The following BTAF1 variants were observed in gnomAD, a reference collection of about 807,000 sequenced individuals.
BTAF1 encodes B-TFIID TATA-box binding protein associated factor 1.
In BTAF1, 38 loss-of-function variants were observed where a neutral mutation model predicts 227.1. The observed-to-expected ratio is 0.17, with a 90% CI of 0.13 to 0.22. The LOEUF is 0.22. Among genes scored for constraint, BTAF1 ranks in the 10% least tolerant of loss-of-function variants. The probability of loss-of-function intolerance (pLI) is 1.00; values close to 1 mark genes in which losing one functional copy is unlikely to be tolerated. For synonymous variants in BTAF1, 742 were observed against 751.9 expected (o/e 0.99, Z 0.21); for missense variants, 1,598 against 2,204.0 (o/e 0.73, Z 5.51).
chr10:91,984,935 A>G (rs1848303730), intron 19 of BTAF1, among the ~76,000 whole-genome samples: 1 of 152,174 alleles, frequency 6.6e-6, no homozygotes, highest in African/African-American at 2.4e-5. Flanking sequence ...TAAGTTTCAG[A>G]TATCAGTATA....
intron 25 of BTAF1, among the ~76,000 whole-genome samples, chr10:92,003,728 T>C (rs1849702689): frequency 6.6e-6 from 1 of 152,240 alleles, no homozygotes; most frequent in African/African-American, 2.4e-5. Context: ...CAGATATCTC[T>C]TCAATGTACT....
intron 30 of BTAF1, among the ~76,000 whole-genome samples, chr10:92,011,659 G>C (rs1850298178): frequency 6.6e-6 from 1 of 152,068 alleles, no homozygotes; most frequent in Non-Finnish European, 1.5e-5. Flanking sequence ...TGTGTCAAAA[G>C]TATGAAAGAC....
Position 91,997,709 on chromosome 10 carries a change from C to T in BTAF1, c.3618C>T (p.Ala1206=). The T allele has an allele frequency of 6.2e-7, 1 of 1,613,990 alleles. No individual in the cohort carries two copies. Among genetic ancestry groups the T allele is most frequent in the Non-Finnish European group, 8.5e-7 (1 of 1,180,004 alleles). ...AGACAGACAGTGTGAGATTCATGGC[C>T]ACGCAGTGCTTTGCAACGCTAATTA... ...SDQTDSVRFM[A]TQCFATLIRL... is the part of the protein sequence containing the mutation. Residue 1206 remains alanine (A), a synonymous_variant, in exon 25 of 38, where the codon GCC becomes GCT. Coordinates refer to ENST00000265990, the MANE Select transcript of BTAF1 (RefSeq NM_003972.3).
chr10:92,027,274 C>T lies in BTAF1; in HGVS notation c.5380C>T (p.Leu1794Phe). ...SSLQSMGTDQLLDLFTLDKDG... is the reference protein window; with the variant it reads ...SSLQSMGTDQFLDLFTLDKDG... Reference sequence around the variant, plus strand: ...TTTGCAGAGCATGGGGACTGATCAGCTTCTTGATCTGTTTACTCTTGATAA... The same window carrying T: ...TTTGCAGAGCATGGGGACTGATCAGTTTCTTGATCTGTTTACTCTTGATAA... The change falls in exon 37 of 38, where the codon CTT becomes TTT. Residue 1794 changes from leucine (L) to phenylalanine (F), a missense_variant. Physicochemically the swap from Leu to Phe is conservative, Grantham distance 22. Around this residue, in one of 10 missense-constraint regions of BTAF1, gnomAD observed 79 missense variants for 97.9 expected, o/e 0.81. Transcript: ENST00000265990. 1 of 1,612,490 alleles carries T rather than the reference C, an allele frequency of 6.2e-7. No individual in the cohort carries two copies. Among genetic ancestry groups the T allele is most frequent in the Non-Finnish European group, 8.5e-7 (1 of 1,179,504 alleles).
intron 20 of BTAF1, among the ~76,000 whole-genome samples, chr10:91,991,303 A>C: frequency 1.1e-5 from 1 of 91,864 alleles, no homozygotes; most frequent in South Asian, 4.0e-4. Context: ...AATTATCCGG[A>C]CGTGGTGGCG....
rs559949241 is a variant in BTAF1, at chr10:92,023,891, C to T, written c.4864-865C>T. Among the ~76,000 whole-genome samples, 13 of 152,250 alleles carry T rather than the reference C, an allele frequency of 8.5e-5. No individual in the cohort carries two copies. In the East Asian group the frequency reaches 2.5e-3, roughly 30 times the overall value. On this transcript the variant is annotated intron_variant, in intron 34 of 37. Coordinates refer to ENST00000265990, the MANE Select transcript of BTAF1 (RefSeq NM_003972.3). Reference sequence around the variant, plus strand: ...TCAAGTGATCTGCCTGCCTTGGCCTCCCAAAGTGCTGGGATTACAGGTGTA... The same window carrying T: ...TCAAGTGATCTGCCTGCCTTGGCCTTCCAAAGTGCTGGGATTACAGGTGTA...
intron 30 of BTAF1, among the ~76,000 whole-genome samples, chr10:92,011,798 G>C (rs1437504241): frequency 1.3e-5 from 2 of 152,156 alleles, no homozygotes; most frequent in Non-Finnish European, 2.9e-5. Flanking sequence ...GTGAATACCT[G>C]ATGTCAGGAG....
intron 1 of BTAF1, among the ~76,000 whole-genome samples, chr10:91,926,168 TC>T (rs1181084674): frequency 1.3e-5 from 2 of 152,224 alleles, no homozygotes; most frequent in Non-Finnish European, 2.9e-5. Context: ...TAACTAAACT[TC>T]CTTTCTCTCC....
chr10:91,978,486 C>G (rs1242401234), intron 14 of BTAF1, among the ~76,000 whole-genome samples: 1 of 149,746 alleles, frequency 6.7e-6, no homozygotes, highest in East Asian at 2.0e-4. Context: ...TAAGATTGTC[C>G]CTAATTCCCT....
intron 20 of BTAF1, 127 bp downstream of exon 20, chr10:91,989,707 G>C: frequency 3.2e-6 from 3 of 930,134 alleles, no homozygotes; most frequent in South Asian, 1.9e-5. Flanking sequence ...GAGAGAAAAG[G>C]CTTGATTATA....
intron 4 of BTAF1, among the ~76,000 whole-genome samples, chr10:91,949,525 C>T (rs946349584): frequency 2.4e-4 from 36 of 152,110 alleles, no homozygotes; most frequent in African/African-American, 8.5e-4. Flanking sequence ...CTTGTTTTTG[C>T]TTGCTTGTTT....
chr10:92,024,794 C>T lies in BTAF1; in HGVS notation c.4902C>T (p.Ser1634=), dbSNP rs1851384430. Residue 1634 remains serine, a synonymous_variant, in exon 35 of 38, where the codon TCC becomes TCT. Transcript: ENST00000265990. ...LDCGLGNGST[S]ESGTESVVAQ... ...GCGGTTTGGGAAATGGCAGCACTTC[C>T]GAGAGTGGCACAGAGTCTGTTGTGG... is the stretch of plus-strand genomic sequence containing the variant. The T allele has an allele frequency of 3.7e-6, 6 of 1,611,362 alleles. No individual in the cohort carries two copies. The Admixed American group carries it at 5.0e-5, about 14-fold the overall frequency.
In BTAF1 at chr10:92,031,098, G is replaced by T. The variant is rs1851869383; in HGVS notation, c.*2165G>T. On this transcript the variant is annotated 3_prime_UTR_variant, in exon 38 of 38. Coordinates refer to ENST00000265990, the MANE Select transcript of BTAF1 (RefSeq NM_003972.3). ...TTTTAAACTGGGAATTGGGTTCATA[G>T]ATATCCATTGTACTACTTCCCTTGG... Among the ~76,000 whole-genome samples, 1 of 152,140 alleles carries T rather than the reference G, an allele frequency of 6.6e-6. No homozygotes were observed. Among genetic ancestry groups the T allele is most frequent in the Non-Finnish European group, 1.5e-5 (1 of 68,008 alleles).
chr10:91,967,920 A>C (rs1290813285), intron 14 of BTAF1, among the ~76,000 whole-genome samples: 1 of 152,182 alleles, frequency 6.6e-6, no homozygotes, highest in East Asian at 1.9e-4. Flanking sequence ...GAAAAAATGA[A>C]GGAAAAGTAC....
rs1850708993 is a variant in BTAF1 at position 92,016,193 on chromosome 10, C to A, written c.4585-147C>A. On this transcript the variant is annotated intron_variant, in intron 32 of 37. Transcript: ENST00000265990. ...AAGATGGAGTGGATAACCTGTAATT[C>A]CTGTAGTGAATTAGAGATATCACAA... is the stretch of plus-strand genomic sequence containing the variant. 4 of 889,330 alleles carry A rather than the reference C, an allele frequency of 4.5e-6. No homozygotes were observed. The South Asian group carries it at 8.5e-5, about 19-fold the overall frequency. The allele number at this position is 889,330 out of a possible 1,614,324, so 55.1% of individuals were successfully genotyped here.
rs756628102 is a variant in BTAF1 at position 91,942,510 on chromosome 10, T to C, written c.342T>C (p.His114=). 2 of 1,614,170 alleles carry C rather than the reference T, an allele frequency of 1.2e-6. No individual in the cohort carries two copies. The highest frequency in any genetic ancestry group is 1.7e-6 in the Non-Finnish European group (2 of 1,180,016). The change falls in exon 4 of 38, where the codon CAT becomes CAC. Residue 114 remains histidine (H), a synonymous_variant. Coordinates refer to ENST00000265990, the MANE Select transcript of BTAF1 (RefSeq NM_003972.3). ...DRFDICRLLQ[H]GASLLGSAGA... is the part of the protein sequence containing the mutation. ...TTGATATATGTAGATTGTTACAACA[T>C]GGTGCATCACTCCTGGGATCTGCTG... is the stretch of plus-strand genomic sequence containing the variant.
chr10:91,966,996 ATGTT>A, intron 14 of BTAF1, among the ~76,000 whole-genome samples: 1 of 152,264 alleles, frequency 6.6e-6, no homozygotes, highest in East Asian at 1.9e-4. Flanking sequence ...TCCTCAGTAA[ATGTT>A]TGTTGAATGA....
chr10:92,001,208 A>G (rs570802978), intron 25 of BTAF1, among the ~76,000 whole-genome samples: 2 of 152,320 alleles, frequency 1.3e-5, no homozygotes, highest in African/African-American at 4.8e-5. Flanking sequence ...TGCTGAGCTG[A>G]AGAGTTAAGA....
Position 92,011,165 on chromosome 10 carries a change from T to C in BTAF1, c.4181+15T>C, listed in dbSNP as rs1850265479. On this transcript the variant is annotated intron_variant, in intron 29 of 37. Transcript: ENST00000265990. ...GATTTCTTTAGGTAAGAATTAATTTTTTTTTTAGAAAAATTAATATCAAAT... is the reference window on the plus strand; with the variant it reads ...GATTTCTTTAGGTAAGAATTAATTTCTTTTTTAGAAAAATTAATATCAAAT... 1.3e-6 allele frequency: 2 copies of C among 1,558,958 alleles called. No homozygotes were observed. The highest frequency in any genetic ancestry group is 2.8e-5 in the African/African-American group (2 of 72,058).
Sources: gnomAD v4.1 joint callset for allele counts (sites outside exome capture counted in the v4.1 genomes callset) on GRCh38, gnomAD v4.1.1 for gene constraint, gnomAD v4.1.1 regional missense constraint, MANE v1.5 for transcripts, NCBI Gene and HGNC (gene_info 2026-07-23, HGNC 2026-07-21) for gene names.